The following UBE2H variants were observed in gnomAD, a reference collection of about 807,000 sequenced individuals.
UBE2H encodes the protein ubiquitin-conjugating enzyme E2 H.
UBE2H carries 3 observed loss-of-function variants against 29.0 expected under a neutral mutation model. The ratio of observed to expected loss-of-function variants is 0.10; its 90% CI spans 0.05 to 0.27. The LOEUF is 0.27. Ranked by LOEUF, UBE2H falls within the 10% of genes least tolerant of loss-of-function variation. The pLI is 1.00. For missense variants in UBE2H, 68 were observed against 228.2 expected (o/e 0.30, Z 4.52); for synonymous variants, 69 against 82.9 (o/e 0.83, Z 0.91).
chr7:129,925,451 G>A (rs1008123671), intron 1 of UBE2H, among the ~76,000 whole-genome samples: 1 of 152,098 alleles, frequency 6.6e-6, no homozygotes, highest in Non-Finnish European at 1.5e-5. Context: ...ATGGGAGCTA[G>A]GCCTATACAA....
At chr7:129,872,903 T>C (rs1286667741) in intron 3 of UBE2H, among the ~76,000 whole-genome samples, 1 of 145,116 alleles carries the variant, frequency 6.9e-6, no homozygotes, top group Non-Finnish European at 1.5e-5. Context: ...TCAGAGTATA[T>C]GCCAGACTGG....
chr7:129,951,882 GA>G (rs988490982), intron 1 of UBE2H, among the ~76,000 whole-genome samples: 2 of 152,160 alleles, frequency 1.3e-5, no homozygotes, highest in Non-Finnish European at 2.9e-5. Context: ...CAGTGGAAAG[GA>G]AAACAGTAGG....
At chr7:129,899,419 A>C (rs1806664378) in intron 1 of UBE2H, among the ~76,000 whole-genome samples, 1 of 152,214 alleles carries the variant, frequency 6.6e-6, no homozygotes, top group Non-Finnish European at 1.5e-5. Context: ...TTCACCTTTA[A>C]ACACCACCTC....
chr7:129,917,720 C>T (rs1351283985), intron 1 of UBE2H, among the ~76,000 whole-genome samples: 2 of 152,046 alleles, frequency 1.3e-5, no homozygotes, highest in Admixed American at 1.3e-4. Flanking sequence ...CTAGGAAACA[C>T]AATTAAAACT....
At chr7:129,838,167 A>G (rs1205855912) in intron 6 of UBE2H, among the ~76,000 whole-genome samples, 4 of 152,244 alleles carry the variant, frequency 2.6e-5, no homozygotes, top group African/African-American at 9.7e-5. Flanking sequence ...TAATTTGCAA[A>G]GCACTTGAGA....
chr7:129,842,266 A>G (rs1805442033), intron 5 of UBE2H, among the ~76,000 whole-genome samples: 1 of 152,170 alleles, frequency 6.6e-6, no homozygotes, highest in Non-Finnish European at 1.5e-5. Context: ...CCCTGTCCCT[A>G]CTAAAAAATA....
At chr7:129,857,381 T>C (rs1563024008) in intron 5 of UBE2H, 130 bp downstream of exon 5, 1 of 863,200 alleles carries the variant, frequency 1.2e-6, no homozygotes, top group Non-Finnish European at 1.8e-6. Flanking sequence ...GATCAAACTT[T>C]CCCAGTCGGT....
chr7:129,882,713 C>T (rs1464277298), intron 1 of UBE2H, among the ~76,000 whole-genome samples: 3 of 152,202 alleles, frequency 2.0e-5, no homozygotes, highest in Non-Finnish European at 4.4e-5. Context: ...CCTACTCTGA[C>T]CAGTCACCCT....
intron 5 of UBE2H, among the ~76,000 whole-genome samples, chr7:129,845,184 G>A (rs984353998): frequency 6.6e-6 from 1 of 152,152 alleles, no homozygotes; most frequent in African/African-American, 2.4e-5. Flanking sequence ...AGTGGTTCTG[G>A]GCTAAGTCTA....
intron 1 of UBE2H, among the ~76,000 whole-genome samples, chr7:129,941,532 A>C (rs1403908528): frequency 6.6e-6 from 1 of 152,158 alleles, no homozygotes; most frequent in Non-Finnish European, 1.5e-5. Flanking sequence ...AAACTAAAAC[A>C]GGTACAAGCC....
chr7:129,885,992 G>A (rs1471876), intron 1 of UBE2H, among the ~76,000 whole-genome samples: 105,402 of 152,078 alleles, frequency 0.69, 37,512 homozygotes, highest in East Asian at 0.92. Context: ...AGGTTAAAAT[G>A]ACAAAAATAA....
chr7:129,945,157 A>T (rs916705955), intron 1 of UBE2H, among the ~76,000 whole-genome samples: 5 of 152,218 alleles, frequency 3.3e-5, no homozygotes, highest in African/African-American at 1.2e-4. Context: ...CTTTGGGGGA[A>T]GATAAATATG....
intron 1 of UBE2H, among the ~76,000 whole-genome samples, chr7:129,897,807 AAAGT>A (rs1202100182): frequency 6.6e-6 from 1 of 152,238 alleles, no homozygotes; most frequent in Non-Finnish European, 1.5e-5. Context: ...AAAAAATCAA[AAAGT>A]AATCTAAAGA....
At chr7:129,949,102 A>G (rs1474846730) in intron 1 of UBE2H, 1 of 450,012 alleles carries the variant, frequency 2.2e-6, no homozygotes, top group South Asian at 1.6e-5. Flanking sequence ...AGCAGGGGCC[A>G]CTGGTTCACA....
At chr7:129,890,917 A>AAG (rs897908906) in intron 1 of UBE2H, among the ~76,000 whole-genome samples, 1 of 151,566 alleles carries the variant, frequency 6.6e-6, no homozygotes, top group Non-Finnish European at 1.5e-5. Flanking sequence ...GGTGGATCAC[A>AAG]AGGTCAGGAG....
intron 1 of UBE2H, among the ~76,000 whole-genome samples, chr7:129,932,767 C>A (rs1807434940): frequency 8.1e-6 from 1 of 123,526 alleles, no homozygotes; most frequent in Non-Finnish European, 1.7e-5. Context: ...GAGCGAGACT[C>A]CGTCTCAAAA....
chr7:129,853,718 C>T (rs1805652548), intron 5 of UBE2H, among the ~76,000 whole-genome samples: 1 of 152,196 alleles, frequency 6.6e-6, no homozygotes, highest in African/African-American at 2.4e-5. Flanking sequence ...AATGAGTCAA[C>T]TGGCTTACCA....
intron 5 of UBE2H, among the ~76,000 whole-genome samples, chr7:129,852,928 TTGG>T (rs1805637629): frequency 6.6e-6 from 1 of 152,168 alleles, no homozygotes; most frequent in South Asian, 2.1e-4. Flanking sequence ...TTTCTCCATG[TTGG>T]TTATGGCTGG....
chr7:129,883,102 A>G (rs1247886392), intron 1 of UBE2H, among the ~76,000 whole-genome samples: 1 of 152,376 alleles, frequency 6.6e-6, no homozygotes. Flanking sequence ...GTTTAAAAAG[A>G]TATTTCTTCA....
Sources: gnomAD v4.1 joint callset for allele counts (sites outside exome capture counted in the v4.1 genomes callset) on GRCh38, gnomAD v4.1.1 for gene constraint, MANE v1.5 for transcripts, NCBI Gene and HGNC (gene_info 2026-07-23, HGNC 2026-07-21) for gene names.